The following FHIT variants were observed in gnomAD, a reference collection of about 807,000 sequenced individuals.
FHIT encodes the protein fragile histidine triad diadenosine triphosphatase, also known as bis(5'-adenosyl)-triphosphatase.
FHIT carries 19 observed loss-of-function variants against 17.9 expected under a neutral mutation model. The observed-to-expected ratio is 1.06, with a 90% CI of 0.74 to 1.56. FHIT has a LOEUF of 1.56. Among genes scored for constraint, FHIT ranks in the 40% most tolerant of loss-of-function variants. The probability of loss-of-function intolerance (pLI) is 0.00; values close to 1 mark genes in which losing one functional copy is unlikely to be tolerated. For missense variants in FHIT, 248 were observed against 189.2 expected, an observed-to-expected ratio of 1.31 and a Z score of -1.82; for synonymous variants, 81 against 69.7, an observed-to-expected ratio of 1.16 and a Z score of -0.81.
At chr3:60,714,199 T>A (rs1246123956) in intron 4 of FHIT, among the ~76,000 whole-genome samples, 19 of 152,140 alleles carry the variant, frequency 1.2e-4, no homozygotes, top group Non-Finnish European at 2.6e-4. Flanking sequence ...ATTATCTCAA[T>A]AGATGCAGAA....
chr3:61,209,651 T>C (rs1343733615), intron 1 of FHIT, among the ~76,000 whole-genome samples: 1 of 152,248 alleles, frequency 6.6e-6, no homozygotes, highest in Non-Finnish European at 1.5e-5. Flanking sequence ...GTGCCTTGGT[T>C]TTCAGCTCCA....
intron 4 of FHIT, among the ~76,000 whole-genome samples, chr3:60,554,077 G>A (rs1022637917): frequency 5.3e-5 from 8 of 151,878 alleles, no homozygotes; most frequent in African/African-American, 1.9e-4. Flanking sequence ...GGGTAACAAA[G>A]CAAGACTTCA....
intron 5 of FHIT, among the ~76,000 whole-genome samples, chr3:60,250,864 A>G (rs1705673164): frequency 1.3e-5 from 2 of 152,188 alleles, no homozygotes; most frequent in East Asian, 3.8e-4. Flanking sequence ...CAATCTCTAA[A>G]TAAGCTGCTT....
At chr3:60,303,850 G>A (rs1449274472) in intron 5 of FHIT, among the ~76,000 whole-genome samples, 2 of 152,138 alleles carry the variant, frequency 1.3e-5, no homozygotes, top group East Asian at 1.9e-4. Context: ...TCTACACACA[G>A]CTCTCAGATG....
intron 1 of FHIT, among the ~76,000 whole-genome samples, chr3:61,202,789 C>T (rs370003752): frequency 9.9e-5 from 15 of 152,158 alleles, no homozygotes; most frequent in East Asian, 3.9e-4. Flanking sequence ...CTGTGTCTCA[C>T]GCCTGTAATC....
intron 2 of FHIT, among the ~76,000 whole-genome samples, chr3:61,050,015 C>T (rs2033967419): frequency 6.6e-6 from 1 of 152,136 alleles, no homozygotes; most frequent in Non-Finnish European, 1.5e-5. Context: ...ATCATATGTC[C>T]AATCATACTT....
chr3:61,006,032 T>C (rs1485106509), intron 3 of FHIT, among the ~76,000 whole-genome samples: 1 of 151,574 alleles, frequency 6.6e-6, no homozygotes, highest in Non-Finnish European at 1.5e-5. Context: ...GGGTGGTAAG[T>C]AGGGAGCAGG....
intron 8 of FHIT, among the ~76,000 whole-genome samples, chr3:59,783,090 ACT>A (rs1431100189): frequency 6.6e-6 from 1 of 151,900 alleles, no homozygotes; most frequent in Admixed American, 6.6e-5. Context: ...CCTGGCTCTG[ACT>A]CTGATCCCAG....
chr3:59,985,597 A>G (rs1708862253), intron 7 of FHIT, among the ~76,000 whole-genome samples: 1 of 152,138 alleles, frequency 6.6e-6, no homozygotes. Context: ...TTCCCATCTC[A>G]GGGCAATGAG....
intron 3 of FHIT, among the ~76,000 whole-genome samples, chr3:60,865,746 T>C (rs1213937865): frequency 6.6e-6 from 1 of 152,052 alleles, no homozygotes; most frequent in Non-Finnish European, 1.5e-5. Flanking sequence ...TTTCCCTAAA[T>C]GGGGGGCTGT....
intron 5 of FHIT, among the ~76,000 whole-genome samples, chr3:60,325,380 A>C (rs900445504): frequency 1.3e-5 from 2 of 152,182 alleles, no homozygotes; most frequent in African/African-American, 2.4e-5. Context: ...TTAGAGTTTG[A>C]AATGTTTAAA....
chr3:60,565,317 A>G (rs1032003667), intron 4 of FHIT, among the ~76,000 whole-genome samples: 2 of 152,110 alleles, frequency 1.3e-5, no homozygotes, highest in African/African-American at 4.8e-5. Flanking sequence ...TACCCCTACG[A>G]GGCATGGAGG....
At chr3:59,758,746 CATAAA>C (rs1701347912) in intron 8 of FHIT, among the ~76,000 whole-genome samples, 1 of 151,968 alleles carries the variant, frequency 6.6e-6, no homozygotes, top group Admixed American at 6.6e-5. Flanking sequence ...TTAAGTTAAA[CATAAA>C]AGAATCAATT....
chr3:59,969,368 G>C (rs1708074139), intron 7 of FHIT, among the ~76,000 whole-genome samples: 1 of 152,058 alleles, frequency 6.6e-6, no homozygotes, highest in African/African-American at 2.4e-5. Flanking sequence ...CTCAAAGAAA[G>C]CTTCTATCCA....
intron 5 of FHIT, among the ~76,000 whole-genome samples, chr3:60,502,209 A>T (rs1185311721): frequency 1.3e-5 from 2 of 152,164 alleles, no homozygotes; most frequent in Admixed American, 6.5e-5. Context: ...AGGAAGAGTA[A>T]AGCAAGAACT....
chr3:59,956,142 C>T (rs531441209), intron 7 of FHIT, among the ~76,000 whole-genome samples: 12 of 152,312 alleles, frequency 7.9e-5, no homozygotes, highest in African/African-American at 2.6e-4. Context: ...AGCCAGGGCC[C>T]TCACATGTGT....
intron 3 of FHIT, among the ~76,000 whole-genome samples, chr3:61,002,629 T>G (rs912326132): frequency 2.0e-5 from 3 of 152,132 alleles, no homozygotes; most frequent in African/African-American, 7.2e-5. Context: ...TCCCCCAGCC[T>G]CTAGTGACCA....
chr3:60,217,132 G>T (rs1259533720), intron 5 of FHIT, among the ~76,000 whole-genome samples: 1 of 152,152 alleles, frequency 6.6e-6, no homozygotes, highest in East Asian at 1.9e-4. Flanking sequence ...AAATGATACA[G>T]AATGTTAAAA....
intron 2 of FHIT, among the ~76,000 whole-genome samples, chr3:61,171,469 T>G (rs1285250928): frequency 6.6e-6 from 1 of 152,204 alleles, no homozygotes; most frequent in African/African-American, 2.4e-5. Context: ...AATCTTAATT[T>G]ATAGACTAAA....
Sources: gnomAD v4.1 joint callset for allele counts (sites outside exome capture counted in the v4.1 genomes callset) on GRCh38, gnomAD v4.1.1 for gene constraint, MANE v1.5 for transcripts, NCBI Gene and HGNC (gene_info 2026-07-23, HGNC 2026-07-21) for gene names.